The following KCNH1 variants were observed in gnomAD, a reference collection of about 807,000 sequenced individuals.
KCNH1 encodes voltage-gated delayed rectifier potassium channel KCNH1.
In KCNH1, 27 loss-of-function variants were observed where a neutral mutation model predicts 69.2. The ratio of observed to expected loss-of-function variants is 0.39; its 90% confidence interval spans 0.29 to 0.54. KCNH1 has a LOEUF of 0.54. Among genes scored for constraint, KCNH1 ranks in the 20% least tolerant of loss-of-function variants. The pLI, the probability that KCNH1 is intolerant of heterozygous loss-of-function variation, is 0.68. For missense variants in KCNH1, 798 were observed against 1,261.6 expected (o/e 0.63, Z 5.57); for synonymous variants, 456 against 487.7 (o/e 0.93, Z 0.86).
intron 8 of KCNH1, among the ~76,000 whole-genome samples, chr1:210,798,528 T>C (rs1324501923): frequency 6.6e-6 from 1 of 152,222 alleles, no homozygotes; most frequent in Non-Finnish European, 1.5e-5. Context: ...TTAGGTGTAA[T>C]AAGCCTTGGG....
At chr1:210,948,344 T>C (rs1360933316) in intron 6 of KCNH1, among the ~76,000 whole-genome samples, 1 of 152,060 alleles carries the variant, frequency 6.6e-6, no homozygotes, top group Non-Finnish European at 1.5e-5. Context: ...AAAATGAATA[T>C]GGCTATGTAA....
At chr1:211,068,745 C>T (rs1396430147) in intron 5 of KCNH1, among the ~76,000 whole-genome samples, 4 of 152,222 alleles carry the variant, frequency 2.6e-5, no homozygotes, top group South Asian at 2.1e-4. Flanking sequence ...CAAAATGATA[C>T]CTCCAAAGCT....
intron 5 of KCNH1, among the ~76,000 whole-genome samples, chr1:211,041,637 A>T (rs553259350): frequency 6.6e-6 from 1 of 151,750 alleles, no homozygotes; most frequent in East Asian, 1.9e-4. Flanking sequence ...TTTATATCAG[A>T]CTCCATCAGA....
chr1:210,938,317 T>G (rs544608349), intron 6 of KCNH1, among the ~76,000 whole-genome samples: 1 of 152,184 alleles, frequency 6.6e-6, no homozygotes, highest in Admixed American at 6.5e-5. Context: ...ACATATAATA[T>G]CTCTAGAAAC....
At chr1:210,707,053 A>G (rs1480417183) in intron 10 of KCNH1, among the ~76,000 whole-genome samples, 1 of 151,736 alleles carries the variant, frequency 6.6e-6, no homozygotes, top group East Asian at 1.9e-4. Context: ...TGTGAGGGGT[A>G]TGTGTGTGTG....
At chr1:210,728,643 G>A (rs929784834) in intron 10 of KCNH1, among the ~76,000 whole-genome samples, 11 of 152,170 alleles carry the variant, frequency 7.2e-5, no homozygotes, top group African/African-American at 1.7e-4. Context: ...ACACACACAC[G>A]TGCTTACACA....
intron 6 of KCNH1, among the ~76,000 whole-genome samples, chr1:210,975,017 A>C (rs528948456): frequency 4.6e-5 from 7 of 152,266 alleles, no homozygotes; most frequent in African/African-American, 1.7e-4. Flanking sequence ...TATATTTAAA[A>C]GTATTTTTTA....
At chr1:211,003,822 T>C (rs2102402770) in intron 6 of KCNH1, among the ~76,000 whole-genome samples, 1 of 152,272 alleles carries the variant, frequency 6.6e-6, no homozygotes, top group Admixed American at 6.5e-5. Flanking sequence ...TAATTAGCAA[T>C]TGGCCGGGTG....
chr1:211,002,717 A>G (rs2102402054), intron 6 of KCNH1, among the ~76,000 whole-genome samples: 1 of 152,294 alleles, frequency 6.6e-6, no homozygotes, highest in East Asian at 1.9e-4. Flanking sequence ...AATTAGCCAA[A>G]CTGAAGAGTA....
At position 211,133,988 on chromosome 1, in the gene KCNH1, T is replaced by C. The variant is rs774535091; in HGVS notation, c.-43A>G. The C allele has an allele frequency of 7.0e-6, 11 of 1,562,336 alleles. No homozygotes were observed. Among genetic ancestry groups the C allele is most frequent in the Non-Finnish European group, 9.7e-6 (11 of 1,136,972 alleles). On this transcript the variant is annotated 5_prime_UTR_variant, in exon 1 of 11. Transcript: ENST00000271751. This position sits in a 1 kb window ranked among gnomAD's most constrained non-coding sequence, Gnocchi z 5.4. Reference sequence around the variant, plus strand: ...GTCCGGCGGGCGTCCTGGCGCGGCTTCTTACGACAGCAGGAAACTGGCCTC... The same window carrying C: ...GTCCGGCGGGCGTCCTGGCGCGGCTCCTTACGACAGCAGGAAACTGGCCTC...
chr1:210,854,092 G>C (rs11119620), intron 7 of KCNH1, among the ~76,000 whole-genome samples: 1 of 151,732 alleles, frequency 6.6e-6, no homozygotes, highest in Non-Finnish European at 1.5e-5. Context: ...TATTTATAAT[G>C]CTATGTTAAG....
At chr1:211,103,941 G>A (rs759798026) in intron 2 of KCNH1, among the ~76,000 whole-genome samples, 11 of 152,220 alleles carry the variant, frequency 7.2e-5, no homozygotes, top group Non-Finnish European at 1.2e-4. Context: ...TGGTTGATCA[G>A]AGAATGCTTT....
At chr1:210,987,925 C>T (rs1467169252) in intron 6 of KCNH1, among the ~76,000 whole-genome samples, 1 of 152,208 alleles carries the variant, frequency 6.6e-6, no homozygotes, top group Non-Finnish European at 1.5e-5. Flanking sequence ...CTGTAGTGGG[C>T]TCCACCAAGT....
At chr1:210,709,727 AGAGAGAGAGAGAGAAAGAG>A (rs1558433401) in intron 10 of KCNH1, among the ~76,000 whole-genome samples, 1 of 126,338 alleles carries the variant, frequency 7.9e-6, no homozygotes, top group Non-Finnish European at 1.5e-5. Context: ...GAAAGAAGAG[AGAGAGAGAGAGAGAAAGAG>A]AGAGAGAGAG....
At chr1:210,742,429 A>G (rs1683053812) in intron 10 of KCNH1, among the ~76,000 whole-genome samples, 2 of 152,206 alleles carry the variant, frequency 1.3e-5, no homozygotes, top group Non-Finnish European at 2.9e-5. Context: ...GATGGGAAAT[A>G]GAATTCCTGG....
chr1:210,978,666 C>T (rs1388194525), intron 6 of KCNH1, among the ~76,000 whole-genome samples: 1 of 152,178 alleles, frequency 6.6e-6, no homozygotes, highest in Non-Finnish European at 1.5e-5. Flanking sequence ...TATGATATCC[C>T]TGTTGAGTTC....
chr1:210,706,363 CTTTAA>C, intron 10 of KCNH1, among the ~76,000 whole-genome samples: 1 of 152,190 alleles, frequency 6.6e-6, no homozygotes, highest in South Asian at 2.1e-4. Context: ...TGCAAATAAC[CTTTAA>C]TATTTGCAGG....
chr1:210,831,241 C>T (rs962041014), intron 7 of KCNH1, among the ~76,000 whole-genome samples: 1 of 152,196 alleles, frequency 6.6e-6, no homozygotes, highest in African/African-American at 2.4e-5. Flanking sequence ...TCTTGGCTAA[C>T]TCAAAGCCTA....
chr1:210,726,904 G>T (rs1231265677), intron 10 of KCNH1, among the ~76,000 whole-genome samples: 3 of 152,064 alleles, frequency 2.0e-5, no homozygotes, highest in Non-Finnish European at 4.4e-5. Context: ...GAGAGGGGTG[G>T]GTATGGAAAC....
Sources: gnomAD v4.1 joint callset for allele counts (sites outside exome capture counted in the v4.1 genomes callset) on GRCh38, gnomAD v4.1.1 for gene constraint, Gnocchi (gnomAD v3.1) non-coding constraint, MANE v1.5 for transcripts, NCBI Gene and HGNC (gene_info 2026-07-23, HGNC 2026-07-21) for gene names.